Variants in CDH19 observed in about 807,000 individuals in gnomAD.
CDH19 encodes cadherin-19.
In CDH19, 67 loss-of-function variants were observed where a neutral mutation model predicts 64.2. That is an observed-to-expected ratio of 1.04 (90% confidence interval 0.86 to 1.28). The LOEUF (loss-of-function observed/expected upper bound fraction) is 1.28, where lower values mean the gene tolerates loss of function less well. Ranked by LOEUF, CDH19 falls within the 50% of genes most tolerant of loss-of-function variation. The pLI is 0.00. For missense variants in CDH19, 1,030 were observed against 929.0 expected (o/e 1.11, Z -1.41); for synonymous variants, 346 against 319.3 (o/e 1.08, Z -0.89).
At chr18:66,595,045 C>T (rs1330442350) in intron 1 of CDH19, among the ~76,000 whole-genome samples, 1 of 149,590 alleles carries the variant, frequency 6.7e-6, no homozygotes, top group Non-Finnish European at 1.5e-5. Flanking sequence ...AAGAAAATCA[C>T]TCAAACCATA....
chr18:66,519,881 T>C (rs1300281252), intron 9 of CDH19, among the ~76,000 whole-genome samples: 1 of 152,110 alleles, frequency 6.6e-6, no homozygotes, highest in Non-Finnish European at 1.5e-5. Context: ...CTGTGTGCTA[T>C]GTATTGCTTA....
chr18:66,562,366 T>C (rs1186305134), intron 3 of CDH19, among the ~76,000 whole-genome samples: 3 of 151,754 alleles, frequency 2.0e-5, no homozygotes, highest in Non-Finnish European at 4.4e-5. Flanking sequence ...ACATGCAACC[T>C]AGATTCCTCA....
Position 66,516,370 on chromosome 18 carries a change from CA to C in CDH19, c.1459-4686del, listed in dbSNP as rs570434374. 1.2e-3 allele frequency among the ~76,000 whole-genome samples: 183 copies of C among 151,824 alleles called. No individual in the cohort carries two copies. The Middle Eastern group carries it at 0.02, about 17-fold the overall frequency. On this transcript the variant is annotated intron_variant, in intron 9 of 11. Coordinates refer to ENST00000262150, the MANE Select transcript of CDH19 (RefSeq NM_021153.4). ...AATCAAAATCACTTTATGTGATATA[CA>C]AAAAAACCCACTAACAATCACAATT...
intron 7 of CDH19, among the ~76,000 whole-genome samples, chr18:66,543,182 C>T (rs868239478): frequency 6.6e-6 from 1 of 152,006 alleles, no homozygotes; most frequent in Non-Finnish European, 1.5e-5. Flanking sequence ...CCCGCCGCCA[C>T]GCCTGGCTAA....
rs967536389 is a variant in CDH19, at chr18:66,503,894, G to C, written c.*918C>G. 1 of 151,804 alleles carries C rather than the reference G, an allele frequency of 6.6e-6. No homozygotes were observed. The highest frequency in any genetic ancestry group is 2.4e-5 in the African/African-American group (1 of 41,392). The allele number at this position is 151,804 out of a possible 1,614,324, so 9.4% of individuals were successfully genotyped here. The stretch of plus-strand genomic sequence containing the variant: ...AATCTGCTTTCCATATAAGGTAAAT[G>C]TTTTTAAACATTTATGTAATCACCC... On this transcript the variant is annotated 3_prime_UTR_variant, in exon 12 of 12. Coordinates refer to ENST00000262150, the MANE Select transcript of CDH19 (RefSeq NM_021153.4).
intron 3 of CDH19, among the ~76,000 whole-genome samples, chr18:66,565,049 T>A (rs1048029924): frequency 6.6e-6 from 1 of 151,892 alleles, no homozygotes; most frequent in Non-Finnish European, 1.5e-5. Flanking sequence ...TTAGCATTTT[T>A]TTGTCCACCC....
chr18:66,547,889 G>C (rs972055755), intron 5 of CDH19, among the ~76,000 whole-genome samples: 2 of 142,486 alleles, frequency 1.4e-5, no homozygotes, highest in East Asian at 2.0e-4. Context: ...GGATGGTCTC[G>C]ATCTCCTGAC....
Position 66,543,996 on chromosome 18 carries a change from G to A in CDH19, c.1189C>T (p.Pro397Ser). The change falls in exon 7 of 12, where the codon CCA becomes TCA. Residue 397 changes from proline to serine, a missense_variant. By Grantham distance (74) the Pro-to-Ser change is moderately conservative (BLOSUM62 -1). Transcript: ENST00000262150. ...CTGATAGGAGATTTCCTATTGTCTG[G>A]GTCTGTGGCAGACACCACGCCTACA... ...SFVGVVSATD[P>S]DNRKSPIRYS... The A allele has an allele frequency of 6.2e-7, 1 of 1,612,990 alleles. No homozygotes were observed. Among genetic ancestry groups the A allele is most frequent in the Non-Finnish European group, 8.5e-7 (1 of 1,179,234 alleles).
chr18:66,590,126 AAGCTTGACAAAAC>A lies in CDH19; in HGVS notation c.-113+13815_-113+13827del, dbSNP rs796762130. On this transcript the variant is annotated intron_variant, in intron 1 of 11. Transcript: ENST00000262150. ...CTACAGAAACACAGAATCATTTCAA[AAGCTTGACAAAAC>A]AGATAATCCCACTCCACAGCTACTG... is the stretch of plus-strand genomic sequence containing the variant. Among the ~76,000 whole-genome samples the A allele has an allele frequency of 1.8e-4, 27 of 152,048 alleles. No homozygotes were observed. The South Asian group carries it at 5.4e-3, about 30-fold the overall frequency.
At chr18:66,542,254 T>C (rs1457976286) in intron 7 of CDH19, among the ~76,000 whole-genome samples, 1 of 152,150 alleles carries the variant, frequency 6.6e-6, no homozygotes, top group Non-Finnish European at 1.5e-5. Flanking sequence ...CAACATTTTA[T>C]GAACTGGAAC....
chr18:66,552,277 C>T (rs1448994343), intron 4 of CDH19, among the ~76,000 whole-genome samples: 1 of 151,850 alleles, frequency 6.6e-6, no homozygotes, highest in Non-Finnish European at 1.5e-5. Context: ...AAAATGCACA[C>T]CTGATTTCAA....
chr18:66,513,574 T>G (rs1311127822), intron 9 of CDH19, among the ~76,000 whole-genome samples: 1 of 151,452 alleles, frequency 6.6e-6, no homozygotes, highest in Non-Finnish European at 1.5e-5. Flanking sequence ...CTAATAAGTT[T>G]TGATGGAGGA....
intron 9 of CDH19, among the ~76,000 whole-genome samples, chr18:66,512,071 T>C (rs185331877): frequency 2.1e-4 from 32 of 151,704 alleles, no homozygotes; most frequent in Non-Finnish European, 4.3e-4. Context: ...GCTAAAGTTG[T>C]CTATTTCCTG....
intron 7 of CDH19, among the ~76,000 whole-genome samples, chr18:66,538,533 T>C (rs1187966158): frequency 6.6e-6 from 1 of 152,060 alleles, no homozygotes; most frequent in African/African-American, 2.4e-5. Flanking sequence ...ACTCACCTAT[T>C]GAAGGATATT....
intron 1 of CDH19, among the ~76,000 whole-genome samples, chr18:66,589,962 C>T (rs1442658773): frequency 7.2e-6 from 1 of 139,474 alleles, no homozygotes; most frequent in Non-Finnish European, 1.7e-5. Context: ...ACAAATATGA[C>T]AAAACTATTA....
rs1172748817 is a variant in CDH19 at position 66,568,457 on chromosome 18, T to C, written c.449A>G (p.Asp150Gly). 3 of 1,612,000 alleles carry C rather than the reference T, an allele frequency of 1.9e-6. No individual in the cohort carries two copies. Among genetic ancestry groups the C allele is most frequent in the Admixed American group, 1.7e-5 (1 of 59,742 alleles). The change falls in exon 3 of 12, where the codon GAT becomes GGT. Residue 150 changes from aspartate (D) to glycine (G), a missense_variant. Coordinates refer to ENST00000262150, the MANE Select transcript of CDH19 (RefSeq NM_021153.4). ...DINDNEPKFL[D>G]EPYEAIVPEM... ...TGGTACAATGGCCTCATAAGGTTCA[T>C]CTAGGAATTTTGGTTCATTGTCATT...
At chr18:66,516,931 A>C in intron 9 of CDH19, among the ~76,000 whole-genome samples, 1 of 152,130 alleles carries the variant, frequency 6.6e-6, no homozygotes, top group East Asian at 1.9e-4. Flanking sequence ...GATATGGAGA[A>C]TAAAGACTAG....
intron 1 of CDH19, among the ~76,000 whole-genome samples, chr18:66,597,013 C>A (rs12457710): frequency 2.4e-5 from 3 of 125,994 alleles, no homozygotes; most frequent in Non-Finnish European, 5.0e-5. Flanking sequence ...ACCCGGGAGG[C>A]GGAGCTTGCA....
At chr18:66,545,003 G>A (rs1987054124) in intron 5 of CDH19, 100 bp from the exon 6 acceptor site, 1 of 902,370 alleles carries the variant, frequency 1.1e-6, no homozygotes, top group Non-Finnish European at 1.6e-6. Context: ...TTTCGAGACG[G>A]AGTCTCATTC....
Sources: gnomAD v4.1 joint callset for allele counts (sites outside exome capture counted in the v4.1 genomes callset) on GRCh38, gnomAD v4.1.1 for gene constraint, MANE v1.5 for transcripts, NCBI Gene and HGNC (gene_info 2026-07-23, HGNC 2026-07-21) for gene names.